Variants in GAS7 observed in about 807,000 individuals in gnomAD.
GAS7 encodes growth arrest-specific protein 7.
A neutral mutation model predicts 71.1 loss-of-function variants in GAS7; 28 were observed. The ratio of observed to expected loss-of-function variants is 0.39; its 90% CI spans 0.29 to 0.54. The LOEUF (loss-of-function observed/expected upper bound fraction) is 0.54, where lower values mean the gene tolerates loss of function less well. Ranked by LOEUF, GAS7 falls within the 20% of genes least tolerant of loss-of-function variation. The pLI is 0.62. For synonymous variants in GAS7, 258 were observed against 245.8 expected, an observed-to-expected ratio of 1.05 and a Z score of -0.46; for missense variants, 436 against 627.8, an observed-to-expected ratio of 0.69 and a Z score of 3.27.
chr17:10,097,371 C>T (rs570598992), intron 1 of GAS7, among the ~76,000 whole-genome samples: 5 of 152,200 alleles, frequency 3.3e-5, no homozygotes, highest in African/African-American at 4.8e-5. Flanking sequence ...AGAGACTCCC[C>T]GGATGGGGTT....
rs2067728149 is a variant in GAS7 at position 9,919,773 on chromosome 17, A to C, written c.1139-68T>G. The stretch of plus-strand genomic sequence containing the variant: ...CACCATGACTCTGTGCCCCACCCTG[A>C]GCCCCACAGCCAAGCCTTCTCCTCC... On this transcript the variant is annotated intron_variant, in intron 11 of 13. Transcript: ENST00000432992. The surrounding 1 kb of genome is among the most constrained non-coding windows in gnomAD (Gnocchi z 5.0). 1 of 1,166,466 alleles carries C rather than the reference A, an allele frequency of 8.6e-7. No homozygotes were observed. The highest frequency in any genetic ancestry group is 1.3e-6 in the Non-Finnish European group (1 of 774,302). 72.3% of individuals were successfully genotyped at this position (1,166,466 alleles called of 1,614,324 possible).
chr17:10,025,242 A>G (rs2072421914), intron 1 of GAS7, among the ~76,000 whole-genome samples: 1 of 152,046 alleles, frequency 6.6e-6, no homozygotes, highest in African/African-American at 2.4e-5. Flanking sequence ...ATCTCTACAC[A>G]AAATTAATTA....
intron 3 of GAS7, among the ~76,000 whole-genome samples, chr17:9,980,520 G>A (rs182074094): frequency 2.2e-4 from 34 of 152,322 alleles, no homozygotes; most frequent in Non-Finnish European, 4.4e-4. Context: ...TCACGCTCAA[G>A]GCATTGGAAG....
intron 4 of GAS7, among the ~76,000 whole-genome samples, chr17:9,961,324 G>A (rs894112385): frequency 2.6e-5 from 4 of 152,310 alleles, no homozygotes; most frequent in African/African-American, 9.6e-5. Context: ...CATGGCAGGA[G>A]GTACCAGTCA....
At chr17:10,113,660 T>C (rs947389446) in intron 1 of GAS7, among the ~76,000 whole-genome samples, 1 of 152,086 alleles carries the variant, frequency 6.6e-6, no homozygotes, top group African/African-American at 2.4e-5. Context: ...CACGGTTTCC[T>C]GGGTTAAGGA....
intron 1 of GAS7, among the ~76,000 whole-genome samples, chr17:10,162,600 A>T (rs1597828612): frequency 6.6e-6 from 1 of 152,308 alleles, no homozygotes; most frequent in East Asian, 1.9e-4. Flanking sequence ...TACTGTGTTA[A>T]GTTTCCAGAG....
At chr17:9,935,604 A>T (rs1294925509) in intron 8 of GAS7, among the ~76,000 whole-genome samples, 1 of 152,266 alleles carries the variant, frequency 6.6e-6, no homozygotes, top group African/African-American at 2.4e-5. Flanking sequence ...AGCAGCCAGC[A>T]GCGAAGAATT....
At chr17:10,049,354 A>G (rs2073028554) in intron 1 of GAS7, among the ~76,000 whole-genome samples, 1 of 152,160 alleles carries the variant, frequency 6.6e-6, no homozygotes, top group South Asian at 2.1e-4. Flanking sequence ...CCCTCTTTAT[A>G]TCATCCTCCC....
intron 4 of GAS7, among the ~76,000 whole-genome samples, chr17:9,967,613 A>T (rs187788687): frequency 9.1e-6 from 1 of 109,404 alleles, no homozygotes; most frequent in African/African-American, 3.6e-5. Context: ...TGTGTGTCCT[A>T]CTTTTTTTTT....
chr17:9,973,786 T>C (rs1338151237), intron 3 of GAS7, among the ~76,000 whole-genome samples: 1 of 152,210 alleles, frequency 6.6e-6, no homozygotes, highest in Admixed American at 6.5e-5. Context: ...TGTGGCAGGC[T>C]TCCAGGTCTA....
Position 9,925,465 on chromosome 17 carries a change from C to T in GAS7, c.1138+11G>A. The T allele has an allele frequency of 6.2e-7, 1 of 1,614,032 alleles. No individual in the cohort carries two copies. Among genetic ancestry groups the T allele is most frequent in the Non-Finnish European group, 8.5e-7 (1 of 1,179,948 alleles). On this transcript the variant is annotated intron_variant, in intron 11 of 13. Transcript: ENST00000432992. ...TGCACTGACCAGGCCAGGCGGGTGC[C>T]CAGCACTTACCAGCCTGTGTGGACT...
intron 1 of GAS7, among the ~76,000 whole-genome samples, chr17:10,101,032 G>A (rs2073693560): frequency 6.6e-6 from 1 of 152,188 alleles, no homozygotes; most frequent in Non-Finnish European, 1.5e-5. Context: ...TACTCGGAAG[G>A]CTGAGGCAGG....
chr17:9,928,095 C>CATTTATTT (rs60574999), intron 9 of GAS7, among the ~76,000 whole-genome samples: 3,136 of 151,580 alleles, frequency 0.021, 121 homozygotes, highest in African/African-American at 0.072. Context: ...GTGAGCATAA[C>CATTTATTT]ATTTATTTAT....
intron 1 of GAS7, among the ~76,000 whole-genome samples, chr17:10,055,138 T>G (rs1246621204): frequency 6.6e-6 from 1 of 152,064 alleles, no homozygotes; most frequent in African/African-American, 2.4e-5. Context: ...TGGCCTGGGG[T>G]AGGATAGTGC....
At chr17:10,097,677 G>T (rs552320850) in intron 1 of GAS7, among the ~76,000 whole-genome samples, 4,692 of 152,198 alleles carry the variant, frequency 0.031, 218 homozygotes, top group African/African-American at 0.11. Flanking sequence ...CCGCAGGCAG[G>T]TATGGCAGGC....
intron 1 of GAS7, among the ~76,000 whole-genome samples, chr17:10,148,317 C>T (rs989796743): frequency 6.6e-6 from 1 of 152,026 alleles, no homozygotes; most frequent in Admixed American, 6.6e-5. Context: ...TAAGAATCCT[C>T]TCTCAGTTAA....
In GAS7 at chr17:9,943,297, T is replaced by C. The variant is rs562247990; in HGVS notation, c.616-61A>G. 9.3e-5 allele frequency: 91 copies of C among 979,610 alleles called. 1 individual carries two copies. Among genetic ancestry groups the C allele is most frequent in the South Asian group, 7.0e-4 (54 of 77,578 alleles). 60.7% of individuals were successfully genotyped at this position (979,610 alleles called of 1,614,324 possible). A position where few individuals can be genotyped will look rare whatever the true frequency, so the allele number is the denominator to read the frequency against. ...CGTCTGAGTCTGGAGCCAGGGAGAA[T>C]GGCGTAGAGGGAGGACGGCTCCTAG... is the stretch of plus-strand genomic sequence containing the variant. On this transcript the variant is annotated intron_variant, in intron 6 of 13. Coordinates refer to ENST00000432992, the MANE Select transcript of GAS7 (RefSeq NM_201433.2).
chr17:10,155,040 G>T (rs1476344244), intron 1 of GAS7, among the ~76,000 whole-genome samples: 3 of 148,176 alleles, frequency 2.0e-5, no homozygotes, highest in African/African-American at 7.5e-5. Flanking sequence ...TTGAGACAAA[G>T]TCTCACTCTT....
chr17:9,942,152 G>A (rs2068624148), intron 7 of GAS7, among the ~76,000 whole-genome samples: 1 of 151,996 alleles, frequency 6.6e-6, no homozygotes, highest in Non-Finnish European at 1.5e-5. Context: ...TACTCCAGAG[G>A]CTGAGACAGG....
Sources: gnomAD v4.1 joint callset for allele counts (sites outside exome capture counted in the v4.1 genomes callset) on GRCh38, gnomAD v4.1.1 for gene constraint, Gnocchi (gnomAD v3.1) non-coding constraint, MANE v1.5 for transcripts, NCBI Gene and HGNC (gene_info 2026-07-23, HGNC 2026-07-21) for gene names.